IL1RAPL2: variants seen among roughly 807,000 people sequenced by gnomAD.
The protein encoded by IL1RAPL2 is X-linked interleukin-1 receptor accessory protein-like 2.
Under a neutral mutation model 44.1 loss-of-function variants are expected in IL1RAPL2, and 3 were observed. The ratio of observed to expected loss-of-function variants is 0.07; its 90% CI spans 0.03 to 0.18. The LOEUF (loss-of-function observed/expected upper bound fraction) is 0.18, where lower values mean the gene tolerates loss of function less well. Among genes scored for constraint, IL1RAPL2 ranks in the 10% least tolerant of loss-of-function variants. The pLI, the probability that IL1RAPL2 is intolerant of heterozygous loss-of-function variation, is 1.00. For synonymous variants in IL1RAPL2, 181 were observed against 178.8 expected, an observed-to-expected ratio of 1.01 and a Z score of -0.10; for missense variants, 391 against 496.4, an observed-to-expected ratio of 0.79 and a Z score of 2.02.
chrX:105,601,099 A>T (rs1180866634), intron 6 of IL1RAPL2, among the ~76,000 whole-genome samples: 2 of 111,446 alleles, frequency 1.8e-5, no homozygotes, highest in East Asian at 5.6e-4. Flanking sequence ...TATGTACATT[A>T]GGTAATTTTG....
chrX:104,671,144 A>G (rs1460477863), intron 2 of IL1RAPL2, among the ~76,000 whole-genome samples: 1 of 110,817 alleles, frequency 9.0e-6, no homozygotes, highest in Non-Finnish European at 1.9e-5. Context: ...GTGCTATTAT[A>G]TATGTATGTA....
intron 1 of IL1RAPL2, among the ~76,000 whole-genome samples, chrX:104,624,918 A>G (rs1929469779): frequency 8.9e-6 from 1 of 111,789 alleles, no homozygotes. Context: ...GGTGAAAAAA[A>G]TATTGTCCAA....
intron 2 of IL1RAPL2, among the ~76,000 whole-genome samples, chrX:104,856,750 C>A (rs985012063): frequency 1.8e-5 from 2 of 111,723 alleles, no homozygotes; most frequent in African/African-American, 6.5e-5. Flanking sequence ...GCAAAACTTA[C>A]CTTCAAAAAC....
intron 6 of IL1RAPL2, among the ~76,000 whole-genome samples, chrX:105,554,554 C>T (rs1165220751): frequency 1.8e-5 from 2 of 111,070 alleles, no homozygotes; most frequent in African/African-American, 6.5e-5. Context: ...GCTTCAATGA[C>T]ATGTATATTA....
intron 2 of IL1RAPL2, among the ~76,000 whole-genome samples, chrX:104,898,470 T>C (rs1173430217): frequency 8.9e-6 from 1 of 112,712 alleles, no homozygotes; most frequent in African/African-American, 3.2e-5. Flanking sequence ...CTAAGTTTTC[T>C]AATCCTTATT....
chrX:105,730,499 C>T (rs747097253), intron 7 of IL1RAPL2, among the ~76,000 whole-genome samples: 1 of 111,513 alleles, frequency 9.0e-6, no homozygotes, highest in African/African-American at 3.3e-5. Flanking sequence ...TTAAACTGCA[C>T]CTTAGACCTA....
intron 6 of IL1RAPL2, among the ~76,000 whole-genome samples, chrX:105,519,941 G>A (rs1602448128): frequency 8.9e-6 from 1 of 111,735 alleles, no homozygotes; most frequent in African/African-American, 3.3e-5. Context: ...CTCTTTATAA[G>A]AGGTAGTTCT....
At chrX:105,007,868 A>G (rs778287598) in intron 2 of IL1RAPL2, among the ~76,000 whole-genome samples, 111 of 114,778 alleles carry the variant, frequency 9.7e-4, no homozygotes, top group African/African-American at 3.4e-3. Flanking sequence ...AAGTGAGAAG[A>G]GAAATGCCAA....
chrX:105,324,714 A>G (rs1350261206), intron 5 of IL1RAPL2, among the ~76,000 whole-genome samples: 2 of 112,448 alleles, frequency 1.8e-5, no homozygotes, highest in Non-Finnish European at 3.7e-5. Flanking sequence ...AGTAAGTAAC[A>G]AAGAAAGGGC....
At chrX:105,716,071 C>A (rs1268895888) in intron 6 of IL1RAPL2, among the ~76,000 whole-genome samples, 2 of 111,406 alleles carry the variant, frequency 1.8e-5, no homozygotes, top group African/African-American at 3.3e-5. Flanking sequence ...GAAAACAATC[C>A]CTGCTGTAGA....
chrX:104,849,050 C>G (rs1315619050), intron 2 of IL1RAPL2, among the ~76,000 whole-genome samples: 1 of 109,591 alleles, frequency 9.1e-6, no homozygotes, highest in Non-Finnish European at 1.9e-5. Flanking sequence ...GTCTGTTACC[C>G]AGGCTGGAGT....
intron 3 of IL1RAPL2, among the ~76,000 whole-genome samples, chrX:105,214,274 A>G (rs2033833050): frequency 9.6e-6 from 1 of 104,075 alleles, no homozygotes; most frequent in Admixed American, 1.1e-4. Flanking sequence ...GGATGGAGGA[A>G]TATTTACTAA....
intron 2 of IL1RAPL2, among the ~76,000 whole-genome samples, chrX:104,717,229 A>C (rs1931586090): frequency 9.0e-6 from 1 of 111,168 alleles, no homozygotes; most frequent in South Asian, 3.8e-4. Flanking sequence ...GAACACATGG[A>C]CACATAGAGG....
intron 2 of IL1RAPL2, among the ~76,000 whole-genome samples, chrX:104,901,447 G>C (rs967875728): frequency 9.2e-6 from 1 of 109,066 alleles, no homozygotes; most frequent in Non-Finnish European, 1.9e-5. Context: ...TCCTGACCTC[G>C]TGATCCGCCC....
intron 2 of IL1RAPL2, among the ~76,000 whole-genome samples, chrX:104,928,075 G>C (rs1924814542): frequency 8.9e-6 from 1 of 111,772 alleles, no homozygotes; most frequent in African/African-American, 3.3e-5. Flanking sequence ...GAGATGTTTT[G>C]ATACAGGCAT....
chrX:105,620,070 A>AT (rs2037408763), intron 6 of IL1RAPL2, among the ~76,000 whole-genome samples: 1 of 111,059 alleles, frequency 9.0e-6, no homozygotes, highest in South Asian at 3.8e-4. Context: ...TTTCACTCCT[A>AT]TAATAGTGTA....
intron 5 of IL1RAPL2, among the ~76,000 whole-genome samples, chrX:105,440,025 G>C (rs2035909828): frequency 9.0e-6 from 1 of 111,650 alleles, no homozygotes; most frequent in Admixed American, 9.5e-5. Flanking sequence ...GGTCATGGAG[G>C]TTTACTTTTA....
intron 5 of IL1RAPL2, among the ~76,000 whole-genome samples, chrX:105,334,239 A>C (rs1158214516): frequency 2.7e-5 from 3 of 111,796 alleles, no homozygotes; most frequent in African/African-American, 6.5e-5. Context: ...ACAGGAGGAC[A>C]CTCAGTAAAA....
intron 5 of IL1RAPL2, chrX:105,406,581 CT>C: frequency 1.7e-6 from 2 of 1,189,082 alleles, no homozygotes; most frequent in Non-Finnish European, 2.3e-6. Context: ...TCGTTTGGAC[CT>C]TCGATACATT....
Sources: allele counts gnomAD v4.1 joint callset (sites outside exome capture counted in the v4.1 genomes callset), GRCh38; gene constraint gnomAD v4.1.1; transcripts MANE v1.5; gene names NCBI Gene and HGNC (gene_info 2026-07-23, HGNC 2026-07-21).